The following MEIS1 variants were observed in gnomAD, a reference collection of about 807,000 sequenced individuals.
MEIS1 encodes homeobox protein Meis1.
MEIS1 carries 5 observed loss-of-function variants against 50.8 expected under a neutral mutation model. The observed-to-expected ratio is 0.10, with a 90% CI of 0.05 to 0.21. The LOEUF (loss-of-function observed/expected upper bound fraction) is 0.21. Among genes scored for constraint, MEIS1 ranks in the 10% least tolerant of loss-of-function variants. The probability of loss-of-function intolerance (pLI) is 1.00; values close to 1 mark genes in which losing one functional copy is unlikely to be tolerated. For missense variants in MEIS1, 318 were observed against 517.3 expected (o/e 0.61, Z 3.74); for synonymous variants, 176 against 179.3 (o/e 0.98, Z 0.15).
chr2:66,495,462 A>G (rs1673378838), intron 7 of MEIS1, among the ~76,000 whole-genome samples: 1 of 152,168 alleles, frequency 6.6e-6, no homozygotes, highest in Non-Finnish European at 1.5e-5. Context: ...CCCAAATATA[A>G]CAGAGATGCC....
At chr2:66,461,919 G>A in intron 6 of MEIS1, 1 of 465,946 alleles carries the variant, frequency 2.1e-6, no homozygotes, top group Non-Finnish European at 4.4e-6. Flanking sequence ...TGGGCTCAGG[G>A]CTCACTGCTG....
chr2:66,512,329 T>A (rs776707120), intron 8 of MEIS1, 35 bp downstream of exon 8: 1 of 1,583,518 alleles, frequency 6.3e-7, no homozygotes, highest in African/African-American at 1.4e-5. Context: ...ATAAACTAAA[T>A]ATGGACAATG....
chr2:66,510,646 C>T (rs1673805589), intron 7 of MEIS1, among the ~76,000 whole-genome samples: 1 of 151,286 alleles, frequency 6.6e-6, no homozygotes, highest in South Asian at 2.1e-4. Context: ...GTTCCTCACC[C>T]AACAAACTTT....
intron 7 of MEIS1, among the ~76,000 whole-genome samples, chr2:66,482,176 T>G (rs1350190544): frequency 6.6e-6 from 1 of 152,152 alleles, no homozygotes; most frequent in African/African-American, 2.4e-5. Context: ...CATTATTTAA[T>G]AAATATATTT....
chr2:66,571,372 T>G lies in MEIS1; in HGVS notation c.*164T>G. 6.2e-7 allele frequency: 1 copy of G among 1,602,680 alleles called. No homozygotes were observed. Among genetic ancestry groups the G allele is most frequent in the Non-Finnish European group, 8.5e-7 (1 of 1,174,756 alleles). On this transcript the variant is annotated 3_prime_UTR_variant, in exon 13 of 13. Coordinates refer to ENST00000272369, the MANE Select transcript of MEIS1 (RefSeq NM_002398.3). Reference sequence around the variant, plus strand: ...GCTCAGCTGCGTCATGGGCCCCCCATGCATACGTACATTCCTGGACACCCT... The same window carrying G: ...GCTCAGCTGCGTCATGGGCCCCCCAGGCATACGTACATTCCTGGACACCCT...
intron 8 of MEIS1, among the ~76,000 whole-genome samples, chr2:66,517,618 A>G (rs541927889): frequency 1.3e-5 from 2 of 152,134 alleles, no homozygotes; most frequent in Non-Finnish European, 2.9e-5. Flanking sequence ...GATCTCTGCT[A>G]CTTTGTAGAT....
chr2:66,542,686 A>G (rs1343646968), intron 8 of MEIS1, among the ~76,000 whole-genome samples: 4 of 152,204 alleles, frequency 2.6e-5, no homozygotes, highest in African/African-American at 9.6e-5. Context: ...GTAGCCTTCC[A>G]TTATCTCACC....
intron 7 of MEIS1, among the ~76,000 whole-genome samples, chr2:66,490,115 A>G (rs890250492): frequency 2.0e-5 from 3 of 152,252 alleles, no homozygotes; most frequent in African/African-American, 7.2e-5. Flanking sequence ...GAAAAAGTCA[A>G]AATCCATTAC....
chr2:66,529,462 G>T (rs947775426), intron 8 of MEIS1, among the ~76,000 whole-genome samples: 1 of 152,030 alleles, frequency 6.6e-6, no homozygotes, highest in Non-Finnish European at 1.5e-5. Flanking sequence ...TTAGAAATAG[G>T]GTCTCAATCT....
intron 6 of MEIS1, among the ~76,000 whole-genome samples, chr2:66,452,389 C>T (rs1672296402): frequency 6.6e-6 from 1 of 151,890 alleles, no homozygotes; most frequent in Non-Finnish European, 1.5e-5. Context: ...ATATGGAATT[C>T]ATCTTCATGA....
At chr2:66,464,837 T>C (rs1284714856) in intron 7 of MEIS1, among the ~76,000 whole-genome samples, 1 of 152,226 alleles carries the variant, frequency 6.6e-6, no homozygotes, top group African/African-American at 2.4e-5. Context: ...GTCCATGGAT[T>C]ATGCATGTTT....
At chr2:66,555,280 C>CTCTCTCTCTCTCTCTCTCCCTCT (rs10695722) in intron 9 of MEIS1, among the ~76,000 whole-genome samples, 3 of 133,848 alleles carry the variant, frequency 2.2e-5, no homozygotes, top group African/African-American at 8.6e-5. Context: ...CTCTCTCTCT[C>CTCTCTCTCTCTCTCTCTCCCTCT]GTCTCTCTCC....
chr2:66,447,926 A>G (rs905268915), intron 6 of MEIS1, among the ~76,000 whole-genome samples: 1 of 152,220 alleles, frequency 6.6e-6, no homozygotes, highest in African/African-American at 2.4e-5. Context: ...ACTTTGTACA[A>G]AGTAAAGCCT....
intron 7 of MEIS1, among the ~76,000 whole-genome samples, chr2:66,467,400 C>G (rs1672665206): frequency 6.6e-6 from 1 of 152,006 alleles, no homozygotes; most frequent in Non-Finnish European, 1.5e-5. Flanking sequence ...AGTTCAAGAC[C>G]AGCCTGGCCC....
chr2:66,554,276 A>T (rs145813830), intron 9 of MEIS1, among the ~76,000 whole-genome samples: 1 of 152,350 alleles, frequency 6.6e-6, no homozygotes, highest in Non-Finnish European at 1.5e-5. Context: ...AGGTCAGCAC[A>T]ACTTGTTGCA....
rs764549088 is a variant in MEIS1 at position 66,437,731 on chromosome 2, A to AT, written c.13-5dup. ...GAACCTTCTTTCTCTCCTGTTTGTC[A>AT]TGCAGTACGACGATCTACCCCATTA... On this transcript the variant is annotated splice_region_variant and splice_polypyrimidine_tract_variant and intron_variant, in intron 1 of 12. Transcript: ENST00000272369. 4 of 1,613,544 alleles carry AT rather than the reference A, an allele frequency of 2.5e-6. No homozygotes were observed. In the South Asian group the frequency reaches 3.3e-5, roughly 13 times the overall value.
At chr2:66,564,340 T>C (rs889204833) in intron 9 of MEIS1, among the ~76,000 whole-genome samples, 5 of 152,192 alleles carry the variant, frequency 3.3e-5, no homozygotes, top group African/African-American at 1.2e-4. Flanking sequence ...ATCTAGTACC[T>C]GTGGGCAGTT....
intron 7 of MEIS1, among the ~76,000 whole-genome samples, chr2:66,495,100 TTTTTTTTTA>T (rs1470481371): frequency 2.0e-5 from 3 of 149,342 alleles, no homozygotes; most frequent in African/African-American, 7.4e-5. Context: ...TTTTTTTTTT[TTTTTTTTTA>T]AACTAAGGAA....
chr2:66,462,675 C>T (rs1219411064), intron 6 of MEIS1, among the ~76,000 whole-genome samples: 1 of 152,126 alleles, frequency 6.6e-6, no homozygotes, highest in Non-Finnish European at 1.5e-5. Context: ...TTCCAGATTA[C>T]GTCTTACAGC....
Sources: allele counts gnomAD v4.1 joint callset (sites outside exome capture counted in the v4.1 genomes callset), GRCh38; gene constraint gnomAD v4.1.1; transcripts MANE v1.5; gene names NCBI Gene and HGNC (gene_info 2026-07-23, HGNC 2026-07-21).